The following RRP1B variants were observed in gnomAD, a reference collection of about 807,000 sequenced individuals.
The protein encoded by RRP1B is ribosomal RNA processing protein 1 homolog B.
A neutral mutation model predicts 80.2 loss-of-function variants in RRP1B; 56 were observed. That is an observed-to-expected ratio of 0.70 (90% CI 0.56 to 0.87). The LOEUF is 0.87. Among genes scored for constraint, RRP1B ranks in the 40% least tolerant of loss-of-function variants. The pLI, the probability that RRP1B is intolerant of heterozygous loss-of-function variation, is 0.00. For synonymous variants in RRP1B, 351 were observed against 357.6 expected, an observed-to-expected ratio of 0.98 and a Z score of 0.21; for missense variants, 807 against 939.8, an observed-to-expected ratio of 0.86 and a Z score of 1.85.
In RRP1B at chr21:43,659,937, A is replaced by G; in HGVS notation, c.130+143A>G. 1.0e-6 allele frequency: 1 copy of G among 955,920 alleles called. No homozygotes were observed. Among genetic ancestry groups the G allele is most frequent in the Non-Finnish European group, 1.4e-6 (1 of 701,666 alleles). 59.2% of individuals were successfully genotyped at this position (955,920 alleles called of 1,614,324 possible). ...GTGCTTCGGTTTCCGCGCTGCCGGA[A>G]CCGCTTCTTGCTGTGTCTAGTGCCT... On this transcript the variant is annotated intron_variant, in intron 1 of 15. Coordinates refer to ENST00000340648, the MANE Select transcript of RRP1B (RefSeq NM_015056.3). The surrounding 1 kb of genome is among the most constrained non-coding windows in gnomAD (Gnocchi z 4.2).
chr21:43,682,377 C>G (rs2083046904), intron 8 of RRP1B, among the ~76,000 whole-genome samples: 1 of 152,218 alleles, frequency 6.6e-6, no homozygotes, highest in South Asian at 2.1e-4. Flanking sequence ...TAGAGGGTTC[C>G]AGAAACAGTA....
chr21:43,690,334 C>G lies in RRP1B; in HGVS notation c.1913C>G (p.Ala638Gly). ...TCCCTGAAGAAGCAGAAGCTGAGGG[C>G]AGAGAGCGACTTTGTGAAGTTTGAC... ...CSSLKKQKLRAESDFVKFDTP... is the reference protein window; with the variant it reads ...CSSLKKQKLRGESDFVKFDTP... Residue 638 changes from alanine (A) to glycine (G), a missense_variant, in exon 14 of 16, where the codon GCA (alanine) becomes GGA (glycine). Physicochemically the swap from Ala to Gly is moderately conservative, Grantham distance 60 (BLOSUM62 0). Coordinates refer to ENST00000340648, the MANE Select transcript of RRP1B (RefSeq NM_015056.3). 1 of 1,614,196 alleles carries G rather than the reference C, an allele frequency of 6.2e-7. No homozygotes were observed.
intron 6 of RRP1B, 149 bp downstream of exon 6, chr21:43,675,312 A>C: frequency 1.4e-6 from 1 of 729,900 alleles, no homozygotes; most frequent in Non-Finnish European, 2.3e-6. Flanking sequence ...ATGTGTCCTA[A>C]GCAGCTGGTG....
Position 43,685,777 on chromosome 21 carries a change from G to A in RRP1B, c.997G>A (p.Asp333Asn), listed in dbSNP as rs948879084. Residue 333 changes from aspartate (D) to asparagine (N), a missense_variant, in exon 11 of 16, where the codon GAC becomes AAC. Physicochemically the swap from Asp to Asn is conservative, Grantham distance 23. Transcript: ENST00000340648. The stretch of plus-strand genomic sequence containing the variant: ...TTATTTTTTTATTTTTAGATTCCAA[G>A]ACCTTTCTGAAGGTGAGGCGCGCCA... ...RLSKLIKKFQ[D>N]LSEGSSISQL... 5 of 1,566,852 alleles carry A rather than the reference G, an allele frequency of 3.2e-6. No homozygotes were observed. In the African/African-American group the frequency reaches 5.5e-5, roughly 17 times the overall value.
intron 2 of RRP1B, among the ~76,000 whole-genome samples, chr21:43,670,497 A>T (rs986689808): frequency 4.6e-5 from 7 of 152,218 alleles, no homozygotes; most frequent in Non-Finnish European, 1.0e-4. Context: ...CCCACCACCA[A>T]AGCCAACACT....
chr21:43,687,596 C>T lies in RRP1B; in HGVS notation c.1222C>T (p.His408Tyr), dbSNP rs1430719696. 2 of 1,516,224 alleles carry T rather than the reference C, an allele frequency of 1.3e-6. No individual in the cohort carries two copies. The highest frequency in any genetic ancestry group is 1.4e-5 in the African/African-American group (1 of 71,716). The allele number at this position is 1,516,224 out of a possible 1,614,324, so 93.9% of individuals were successfully genotyped here. ...AAGAAGGAAGAAGAAGAAGAAGCAC[C>T]ACCTGCAGCCTGAAAATCCAGGCCC... ...KRRRKKKKKH[H>Y]LQPENPGPGG... The change falls in exon 13 of 16, where the codon CAC becomes TAC. Residue 408 changes from histidine to tyrosine, a missense_variant. His to Tyr is a moderately conservative substitution (Grantham distance 83). Transcript: ENST00000340648.
chr21:43,667,749 A>T (rs1016904908), intron 1 of RRP1B, among the ~76,000 whole-genome samples: 2 of 152,218 alleles, frequency 1.3e-5, no homozygotes, highest in African/African-American at 4.8e-5. Context: ...TACCATACTT[A>T]CATTATCCAC....
At chr21:43,684,233 G>A (rs527270634) in intron 9 of RRP1B, among the ~76,000 whole-genome samples, 1 of 151,590 alleles carries the variant, frequency 6.6e-6, no homozygotes, top group South Asian at 2.1e-4. Flanking sequence ...CATCACGCCC[G>A]GCTAATATTT....
At chr21:43,672,424 G>A in intron 3 of RRP1B, 59 bp downstream of exon 3, 1 of 1,409,568 alleles carries the variant, frequency 7.1e-7, no homozygotes, top group East Asian at 2.3e-5. Context: ...AGTTTAATGG[G>A]AACCTTGTGC....
At position 43,692,191 on chromosome 21, in the gene RRP1B, C is replaced by T. The variant is rs779914296; in HGVS notation, c.2083+689C>T. ...TCCATCAGCTGTAGCTGTCTCTCTGCGAAACTTCGGAACCACTTGCTTCTT... is the reference window on the plus strand; with the variant it reads ...TCCATCAGCTGTAGCTGTCTCTCTGTGAAACTTCGGAACCACTTGCTTCTT... On this transcript the variant is annotated intron_variant, in intron 15 of 15. Transcript: ENST00000340648. 4.6e-5 allele frequency among the ~76,000 whole-genome samples: 7 copies of T among 152,230 alleles called. No homozygotes were observed. The East Asian group carries it at 5.8e-4, about 13-fold the overall frequency.
In RRP1B at chr21:43,669,947, A is replaced by G. The variant is rs2082992846; in HGVS notation, c.194A>G (p.Gln65Arg). 5.0e-6 allele frequency: 8 copies of G among 1,611,076 alleles called. No individual in the cohort carries two copies. Among genetic ancestry groups the G allele is most frequent in the Non-Finnish European group, 6.8e-6 (8 of 1,177,674 alleles). The change falls in exon 2 of 16, where the codon CAG (glutamine) becomes CGG (arginine). Residue 65 changes from glutamine to arginine, a missense_variant. Transcript: ENST00000340648. ...GGGCTCTTCTACTGCATGTGGGTGC[A>G]GGATGAACCCCTTCTACAGGTAACA... ...WKGLFYCMWV[Q>R]DEPLLQEELA...
chr21:43,679,004 A>G (rs1181931394), intron 8 of RRP1B, among the ~76,000 whole-genome samples: 1 of 152,112 alleles, frequency 6.6e-6, no homozygotes, highest in East Asian at 1.9e-4. Flanking sequence ...CCATTTTTGA[A>G]TAGGGTGTCC....
chr21:43,669,976 G>A lies in RRP1B; in HGVS notation c.213+10G>A, dbSNP rs191520041. The stretch of plus-strand genomic sequence containing the variant: ...TGAACCCCTTCTACAGGTAACATGC[G>A]TTCCCTTTGTCATGCTCCCGGGTTC... On this transcript the variant is annotated intron_variant, in intron 2 of 15. Transcript: ENST00000340648. 64 of 1,587,372 alleles carry A rather than the reference G, an allele frequency of 4.0e-5. No homozygotes were observed. The highest frequency in any genetic ancestry group is 3.4e-4 in the African/African-American group (25 of 74,506).
At chr21:43,688,305 A>G (rs897757784) in intron 13 of RRP1B, 65 bp downstream of exon 13, 6 of 1,464,424 alleles carry the variant, frequency 4.1e-6, no homozygotes, top group South Asian at 1.4e-5. Flanking sequence ...ATGGGGCTCC[A>G]CTGCCTCCTG....
chr21:43,684,521 C>A, intron 9 of RRP1B, 32 bp from the exon 10 acceptor site: 2 of 1,588,770 alleles, frequency 1.3e-6, no homozygotes, highest in Non-Finnish European at 8.6e-7. Context: ...TGTTTGGCTG[C>A]AGACTTATGT....
Position 43,659,656 on chromosome 21 carries a change from G to A in RRP1B, c.-9G>A, listed in dbSNP as rs914616977. ...GGGTTGCGCGGCCGGGGATGCTCCA[G>A]CGGGCGCGATGGCCCCCGCCATGCA... On this transcript the variant is annotated 5_prime_UTR_variant, in exon 1 of 16. Coordinates refer to ENST00000340648, the MANE Select transcript of RRP1B (RefSeq NM_015056.3). The surrounding 1 kb of genome is among the most constrained non-coding windows in gnomAD (Gnocchi z 4.2). 2 of 1,499,882 alleles carry A rather than the reference G, an allele frequency of 1.3e-6. No homozygotes were observed. The highest frequency in any genetic ancestry group is 2.9e-5 in the African/African-American group (2 of 68,706). 92.9% of individuals were successfully genotyped at this position (1,499,882 alleles called of 1,614,324 possible). A position where few individuals can be genotyped will look rare whatever the true frequency, so the allele number is the denominator to read the frequency against.
At position 43,693,054 on chromosome 21, in the gene RRP1B, C is replaced by A; in HGVS notation, c.2084-136C>A. On this transcript the variant is annotated intron_variant, in intron 15 of 15. Transcript: ENST00000340648. The surrounding 1 kb of genome is among the most constrained non-coding windows in gnomAD (Gnocchi z 4.1). ...CTCAGAAGGCTCTTGGGCCTGCTCTCTGCAGGGCCTTGAGATGGCCCTGCT... is the reference window on the plus strand; with the variant it reads ...CTCAGAAGGCTCTTGGGCCTGCTCTATGCAGGGCCTTGAGATGGCCCTGCT... 1.2e-6 allele frequency: 1 copy of A among 823,632 alleles called. No homozygotes were observed. Among genetic ancestry groups the A allele is most frequent in the South Asian group, 1.6e-5 (1 of 62,278 alleles). The allele number at this position is 823,632 out of a possible 1,614,324, so 51.0% of individuals were successfully genotyped here.
In RRP1B at chr21:43,676,263, A is replaced by G. The variant is rs2083022099; in HGVS notation, c.550-9A>G. On this transcript the variant is annotated splice_polypyrimidine_tract_variant and intron_variant, in intron 6 of 15. Transcript: ENST00000340648. ...TCTTTCTCAATTTTTCCCTTTTTCT[A>G]AATTACAGCTTTTAGCAGATCAGAA... The G allele has an allele frequency of 5.0e-6, 8 of 1,599,162 alleles. No individual in the cohort carries two copies. The highest frequency in any genetic ancestry group is 6.0e-6 in the Non-Finnish European group (7 of 1,172,016).
intron 6 of RRP1B, 135 bp downstream of exon 6, chr21:43,675,298 G>T: frequency 1.3e-6 from 1 of 790,582 alleles, no homozygotes; most frequent in African/African-American, 1.7e-5. Context: ...AGTCCTGTCT[G>T]GGAATGTGTC....
Sources: gnomAD v4.1 joint callset for allele counts (sites outside exome capture counted in the v4.1 genomes callset) on GRCh38, gnomAD v4.1.1 for gene constraint, Gnocchi (gnomAD v3.1) non-coding constraint, MANE v1.5 for transcripts, NCBI Gene and HGNC (gene_info 2026-07-23, HGNC 2026-07-21) for gene names.